The following LNX1 variants were observed in gnomAD, a reference collection of about 807,000 sequenced individuals.
LNX1 encodes the protein E3 ubiquitin-protein ligase LNX.
In LNX1, 54 loss-of-function variants were observed where a neutral mutation model predicts 68.4. The ratio of observed to expected loss-of-function variants is 0.79; its 90% confidence interval spans 0.63 to 0.99. The LOEUF (loss-of-function observed/expected upper bound fraction) is 0.99, where lower values mean the gene tolerates loss of function less well. Among genes scored for constraint, LNX1 ranks in the 50% least tolerant of loss-of-function variants. The probability of loss-of-function intolerance (pLI) is 0.00; values close to 1 mark genes in which losing one functional copy is unlikely to be tolerated. For synonymous variants in LNX1, 336 were observed against 350.0 expected (o/e 0.96, Z 0.45); for missense variants, 906 against 926.4 (o/e 0.98, Z 0.29).
In LNX1 at chr4:53,478,597, C is replaced by T. The variant is rs758242769; in HGVS notation, c.1631G>A (p.Gly544Glu). ...TATTCTTCCATCTCTGCTTATGACTCCTCCGGGCTCAACACTGATGACATA... is the reference window on the plus strand; with the variant it reads ...TATTCTTCCATCTCTGCTTATGACTTCTCCGGGCTCAACACTGATGACATA... The part of the protein sequence containing the change: ...PIYVISVEPG[G>E]VISRDGRIKT... The change falls in exon 8 of 11, where the codon GGA (glycine) becomes GAA (glutamate). Residue 544 changes from glycine (G) to glutamate (E), a missense_variant. Transcript: ENST00000263925. 6.2e-7 allele frequency: 1 copy of T among 1,613,746 alleles called. No individual in the cohort carries two copies. Among genetic ancestry groups the T allele is most frequent in the Admixed American group, 1.7e-5 (1 of 60,004 alleles).
At chr4:53,637,169 T>C (rs1734512005) in intron 1 of LNX1, among the ~76,000 whole-genome samples, 1 of 152,016 alleles carries the variant, frequency 6.6e-6, no homozygotes, top group South Asian at 2.1e-4. Context: ...AGGATCCCAA[T>C]AATTGGACCA....
chr4:53,621,400 G>T (rs1733876254), upstream of LNX1, among the ~76,000 whole-genome samples: 1 of 152,170 alleles, frequency 6.6e-6, no homozygotes, highest in Admixed American at 6.5e-5. Flanking sequence ...GCATCTCCAG[G>T]ACAGGGAGAC....
chr4:53,538,417 C>G (rs527801181), intron 2 of LNX1, among the ~76,000 whole-genome samples: 1 of 152,298 alleles, frequency 6.6e-6, no homozygotes, highest in South Asian at 2.1e-4. Flanking sequence ...CTCCCACTAA[C>G]TCCAAGGAAA....
chr4:53,523,000 C>A (rs532609411), intron 2 of LNX1: 1 of 152,272 alleles, frequency 6.6e-6, no homozygotes, highest in East Asian at 1.9e-4. Flanking sequence ...TGGTTCTTAA[C>A]CTTGGCTGAG....
chr4:53,558,083 A>G, intron 2 of LNX1: 3 of 1,504,854 alleles, frequency 2.0e-6, no homozygotes, highest in Non-Finnish European at 2.6e-6. Flanking sequence ...GATCACAAAG[A>G]ATTTGACTGA....
chr4:53,518,792 T>TG (rs3215225), intron 2 of LNX1, among the ~76,000 whole-genome samples: 43,600 of 152,024 alleles, frequency 0.29, 6,649 homozygotes, highest in East Asian at 0.37. Flanking sequence ...GCTGATTATT[T>TG]GGGGGGCAAC....
At chr4:53,572,368 TCTGGCTGAAC>T (rs1731221643) in intron 2 of LNX1, among the ~76,000 whole-genome samples, 4 of 152,184 alleles carry the variant, frequency 2.6e-5, no homozygotes. Flanking sequence ...GGTGGAAGCA[TCTGGCTGAAC>T]GTCTTGGGGA....
chr4:53,601,775 A>G (rs1164523364), intron 2 of LNX1, among the ~76,000 whole-genome samples: 3 of 152,030 alleles, frequency 2.0e-5, no homozygotes, highest in Non-Finnish European at 4.4e-5. Flanking sequence ...AACTCATCTC[A>G]AGATGGCATC....
intron 6 of LNX1, among the ~76,000 whole-genome samples, chr4:53,495,415 G>A (rs1008179093): frequency 6.6e-5 from 10 of 152,122 alleles, no homozygotes; most frequent in South Asian, 2.1e-4. Context: ...AAGAATTTGC[G>A]TCCCTCTCTT....
At chr4:53,562,572 G>T (rs57991612) in intron 2 of LNX1, among the ~76,000 whole-genome samples, 1,993 of 152,260 alleles carry the variant, frequency 0.013, 51 homozygotes, top group African/African-American at 0.045. Flanking sequence ...CAAATGAAAC[G>T]CATTCTGGAG....
intron 4 of LNX1, among the ~76,000 whole-genome samples, chr4:53,503,453 G>A (rs749536803): frequency 1.1e-4 from 16 of 152,280 alleles, no homozygotes; most frequent in East Asian, 3.9e-4. Flanking sequence ...TTACTCTTGC[G>A]TCTCCATCGA....
At chr4:53,469,309 C>T (rs537612966) in intron 9 of LNX1, among the ~76,000 whole-genome samples, 13 of 152,206 alleles carry the variant, frequency 8.5e-5, no homozygotes, top group Admixed American at 3.3e-4. Context: ...AAAGACACAG[C>T]GTACCAGAAT....
At chr4:53,565,993 C>A (rs1445201562) in intron 2 of LNX1, among the ~76,000 whole-genome samples, 1 of 151,848 alleles carries the variant, frequency 6.6e-6, no homozygotes, top group African/African-American at 2.4e-5. Context: ...AAATATGGGA[C>A]TATGTGAAGA....
intron 9 of LNX1, among the ~76,000 whole-genome samples, chr4:53,470,985 A>C (rs1188685155): frequency 4.7e-5 from 7 of 148,368 alleles, no homozygotes; most frequent in Non-Finnish European, 6.0e-5. Flanking sequence ...AATTGGAAAA[A>C]ACTACTTTAA....
chr4:53,636,823 C>T (rs1256420296), intron 1 of LNX1, among the ~76,000 whole-genome samples: 1 of 151,978 alleles, frequency 6.6e-6, no homozygotes, highest in Admixed American at 6.6e-5. Flanking sequence ...TTCATATTCT[C>T]CCTTTACATC....
intron 2 of LNX1, among the ~76,000 whole-genome samples, chr4:53,612,723 G>A (rs1733543339): frequency 6.7e-6 from 1 of 148,522 alleles, no homozygotes; most frequent in Non-Finnish European, 1.5e-5. Context: ...TTTTTGTAGA[G>A]ATGGGGTCTC....
chr4:53,513,539 C>A (rs1726523497), intron 2 of LNX1, among the ~76,000 whole-genome samples: 1 of 152,196 alleles, frequency 6.6e-6, no homozygotes, highest in African/African-American at 2.4e-5. Flanking sequence ...ATCCTCCCTG[C>A]CAAACCAGCT....
chr4:53,462,715 T>C (rs1315690460), intron 9 of LNX1, among the ~76,000 whole-genome samples: 1 of 152,160 alleles, frequency 6.6e-6, no homozygotes, highest in African/African-American at 2.4e-5. Context: ...AATGCTGAAA[T>C]TCAACTCTAA....
intron 2 of LNX1, among the ~76,000 whole-genome samples, chr4:53,573,263 A>C (rs1352064552): frequency 1.3e-5 from 2 of 152,196 alleles, no homozygotes; most frequent in African/African-American, 2.4e-5. Flanking sequence ...ATTCGTGTTT[A>C]ATGGATATAG....
Sources: gnomAD v4.1 joint callset for allele counts (sites outside exome capture counted in the v4.1 genomes callset) on GRCh38, gnomAD v4.1.1 for gene constraint, MANE v1.5 for transcripts, NCBI Gene and HGNC (gene_info 2026-07-23, HGNC 2026-07-21) for gene names.